Variants in DDX10 observed in about 807,000 individuals in gnomAD.
DDX10 encodes probable ATP-dependent RNA helicase DDX10.
DDX10 carries 74 observed loss-of-function variants against 104.3 expected under a neutral mutation model. The observed-to-expected ratio is 0.71, with a 90% CI of 0.59 to 0.86. The LOEUF is 0.86. Among genes scored for constraint, DDX10 ranks in the 40% least tolerant of loss-of-function variants. The pLI, the probability that DDX10 is intolerant of heterozygous loss-of-function variation, is 0.00. For synonymous variants in DDX10, 351 were observed against 353.4 expected, an observed-to-expected ratio of 0.99 and a Z score of 0.08; for missense variants, 952 against 1,040.0, an observed-to-expected ratio of 0.92 and a Z score of 1.16.
Position 108,715,862 on chromosome 11 carries a change from A to T in DDX10, c.1323-17A>T. ...TTTGAGATATCTTATTTTAACCTTTATCTTTTTGTTACAAAGAATCAATCC... is the reference window on the plus strand; with the variant it reads ...TTTGAGATATCTTATTTTAACCTTTTTCTTTTTGTTACAAAGAATCAATCC... On this transcript the variant is annotated splice_polypyrimidine_tract_variant and intron_variant, in intron 10 of 17. Transcript: ENST00000322536. 7.7e-7 allele frequency: 1 copy of T among 1,305,592 alleles called. No homozygotes were observed. Among genetic ancestry groups the T allele is most frequent in the Non-Finnish European group, 1.1e-6 (1 of 914,672 alleles). 80.9% of individuals were successfully genotyped at this position (1,305,592 alleles called of 1,614,324 possible).
intron 8 of DDX10, 96 bp from the exon 9 acceptor site, chr11:108,693,419 TG>T: frequency 1.2e-6 from 1 of 836,986 alleles, no homozygotes; most frequent in South Asian, 1.3e-5. Context: ...CAGTTTGATG[TG>T]ATGAAAAGTC....
chr11:108,809,554 A>G (rs952051505), intron 13 of DDX10, among the ~76,000 whole-genome samples: 6 of 152,208 alleles, frequency 3.9e-5, no homozygotes, highest in African/African-American at 1.4e-4. Flanking sequence ...AATAAAGGTG[A>G]AGGTAAGAAT....
intron 16 of DDX10, among the ~76,000 whole-genome samples, chr11:108,893,274 G>T (rs1035990606): frequency 6.6e-6 from 1 of 151,862 alleles, no homozygotes. Context: ...GATGGTAAGG[G>T]ATATTTGGTT....
chr11:108,922,351 G>C (rs966222723), intron 17 of DDX10: 2 of 151,962 alleles, frequency 1.3e-5, no homozygotes, highest in African/African-American at 4.8e-5. Flanking sequence ...GAGAAAGAAA[G>C]AAGCTATTAG....
intron 13 of DDX10, among the ~76,000 whole-genome samples, chr11:108,742,666 AAGG>A (rs2094326717): frequency 6.6e-6 from 1 of 152,192 alleles, no homozygotes; most frequent in African/African-American, 2.4e-5. Context: ...GACTAATAAA[AAGG>A]AGAGAAGATA....
In DDX10 at chr11:108,821,991, A is replaced by C. The variant is rs1372835672; in HGVS notation, c.1966-16455A>C. 2.0e-5 allele frequency among the ~76,000 whole-genome samples: 3 copies of C among 152,214 alleles called. No individual in the cohort carries two copies. The East Asian group carries it at 5.8e-4, about 29-fold the overall frequency. On this transcript the variant is annotated intron_variant, in intron 13 of 17. Coordinates refer to ENST00000322536, the MANE Select transcript of DDX10 (RefSeq NM_004398.4). ...ATTTCACCAGTATTTCAATATATTC[A>C]CATAACCAGTTATATAAATCTAAAA...
chr11:108,844,934 C>T (rs1272692450), intron 15 of DDX10, among the ~76,000 whole-genome samples: 1 of 152,144 alleles, frequency 6.6e-6, no homozygotes. Context: ...CGGTGGCTCA[C>T]GCCTGTAATC....
chr11:108,747,498 A>G (rs1400290110), intron 13 of DDX10, among the ~76,000 whole-genome samples: 1 of 152,156 alleles, frequency 6.6e-6, no homozygotes, highest in Admixed American at 6.5e-5. Context: ...ATAGCAGTGA[A>G]TGTAAGAAAC....
chr11:108,748,754 C>T (rs1212595076), intron 13 of DDX10, among the ~76,000 whole-genome samples: 3 of 152,038 alleles, frequency 2.0e-5, no homozygotes, highest in African/African-American at 7.2e-5. Flanking sequence ...GATCATAGCT[C>T]ACTGCAGCCA....
chr11:108,940,305 G>A lies in DDX10; in HGVS notation c.2510G>A (p.Gly837Glu), dbSNP rs745642507. ...AGCAACAGTGAAGTGGAAGACGTGG[G>A]ACCAACAAGTCATAACAGAAAGAAG... ...KRSNSEVEDVGPTSHNRKKAR... is the reference protein window; with the variant it reads ...KRSNSEVEDVEPTSHNRKKAR... The change falls in exon 18 of 18, where the codon GGA becomes GAA. Residue 837 changes from glycine to glutamate, a missense_variant. Gly to Glu is a moderately conservative substitution (Grantham distance 98). Coordinates refer to ENST00000322536, the MANE Select transcript of DDX10 (RefSeq NM_004398.4). 2.5e-6 allele frequency: 4 copies of A among 1,614,040 alleles called. No individual in the cohort carries two copies. The South Asian group carries it at 3.3e-5, about 13-fold the overall frequency.
At chr11:108,686,188 T>C (rs143837583) in intron 6 of DDX10, among the ~76,000 whole-genome samples, 2,372 of 152,298 alleles carry the variant, frequency 0.016, 60 homozygotes, top group African/African-American at 0.054. Flanking sequence ...TCTGCCATTA[T>C]CAACACTCTT....
chr11:108,876,887 G>A (rs2134628503), intron 16 of DDX10, among the ~76,000 whole-genome samples: 1 of 152,250 alleles, frequency 6.6e-6, no homozygotes, highest in East Asian at 1.9e-4. Context: ...AGATTTTAGT[G>A]TTGTCTTGCC....
intron 9 of DDX10, among the ~76,000 whole-genome samples, chr11:108,699,132 G>A (rs2094263959): frequency 6.6e-6 from 1 of 152,020 alleles, no homozygotes. Flanking sequence ...GTATATTGAT[G>A]TACCCTAAGT....
At chr11:108,827,645 A>G (rs1862413437) in intron 13 of DDX10, among the ~76,000 whole-genome samples, 1 of 152,088 alleles carries the variant, frequency 6.6e-6, no homozygotes, top group Admixed American at 6.5e-5. Flanking sequence ...CTATAATTTT[A>G]GTTGATTTCT....
intron 17 of DDX10, among the ~76,000 whole-genome samples, chr11:108,933,345 T>G (rs1029014625): frequency 2.0e-5 from 3 of 150,058 alleles, no homozygotes; most frequent in African/African-American, 7.6e-5. Context: ...CTGGACTAAG[T>G]GGGCAGACCT....
chr11:108,731,471 A>G (rs550627282), intron 13 of DDX10, among the ~76,000 whole-genome samples: 41 of 150,706 alleles, frequency 2.7e-4, no homozygotes, highest in Middle Eastern at 3.5e-3. Flanking sequence ...TTTTTAAGCA[A>G]TTGGTTTTGA....
chr11:108,686,320 TATG>T (rs1217694581), intron 6 of DDX10, among the ~76,000 whole-genome samples: 1 of 152,072 alleles, frequency 6.6e-6, no homozygotes, highest in African/African-American at 2.4e-5. Flanking sequence ...TGGACAAATT[TATG>T]ATAACATATG....
chr11:108,783,670 A>AT (rs1179028984), intron 13 of DDX10, among the ~76,000 whole-genome samples: 1 of 152,078 alleles, frequency 6.6e-6, no homozygotes, highest in African/African-American at 2.4e-5. Context: ...GCTTATTTTT[A>AT]TTTTTTATAC....
intron 13 of DDX10, among the ~76,000 whole-genome samples, chr11:108,759,707 C>T (rs1272759007): frequency 6.6e-6 from 1 of 151,962 alleles, no homozygotes; most frequent in Non-Finnish European, 1.5e-5. Context: ...TGTCTCATAG[C>T]CCCGCATCAC....
Sources: allele counts gnomAD v4.1 joint callset (sites outside exome capture counted in the v4.1 genomes callset), GRCh38; gene constraint gnomAD v4.1.1; transcripts MANE v1.5; gene names NCBI Gene and HGNC (gene_info 2026-07-23, HGNC 2026-07-21).